The following IGF2BP3 variants were observed in gnomAD, a reference collection of about 807,000 sequenced individuals.
IGF2BP3 encodes insulin-like growth factor 2 mRNA-binding protein 3.
A neutral mutation model predicts 73.8 loss-of-function variants in IGF2BP3; 9 were observed. The observed-to-expected ratio is 0.12, with a 90% CI of 0.07 to 0.21. The LOEUF (loss-of-function observed/expected upper bound fraction) is 0.21, where lower values mean the gene tolerates loss of function less well. Ranked by LOEUF, IGF2BP3 falls within the 10% of genes least tolerant of loss-of-function variation. The pLI is 1.00. For synonymous variants in IGF2BP3, 258 were observed against 256.7 expected (o/e 1.01, Z -0.05); for missense variants, 542 against 714.0 (o/e 0.76, Z 2.75).
intron 12 of IGF2BP3, among the ~76,000 whole-genome samples, chr7:23,314,648 T>C (rs1783927826): frequency 6.6e-6 from 1 of 152,152 alleles, no homozygotes; most frequent in Non-Finnish European, 1.5e-5. Context: ...CAGAGTCAGC[T>C]ATGCCAAGCT....
At chr7:23,314,512 A>G (rs1203791651) in intron 12 of IGF2BP3, among the ~76,000 whole-genome samples, 2 of 151,092 alleles carry the variant, frequency 1.3e-5, no homozygotes, top group African/African-American at 2.4e-5. Flanking sequence ...GGGTCTTGCT[A>G]TGTTGCCACG....
intron 10 of IGF2BP3, among the ~76,000 whole-genome samples, chr7:23,339,205 G>C (rs900007248): frequency 6.6e-6 from 1 of 152,186 alleles, no homozygotes; most frequent in African/African-American, 2.4e-5. Context: ...ACCTATTCCA[G>C]TGACATCTTC....
intron 3 of IGF2BP3, among the ~76,000 whole-genome samples, chr7:23,395,031 G>C (rs917995569): frequency 6.6e-6 from 1 of 152,148 alleles, no homozygotes; most frequent in Non-Finnish European, 1.5e-5. Flanking sequence ...AAGCTCAGAG[G>C]AGCTTAGCAT....
At chr7:23,340,934 C>T (rs1037907338) in intron 10 of IGF2BP3, among the ~76,000 whole-genome samples, 4 of 151,170 alleles carry the variant, frequency 2.6e-5, no homozygotes, top group African/African-American at 9.7e-5. Context: ...ACTACCACCT[C>T]TGCCTCCTGG....
At chr7:23,338,225 T>C (rs1369356299) in intron 10 of IGF2BP3, among the ~76,000 whole-genome samples, 1 of 152,084 alleles carries the variant, frequency 6.6e-6, no homozygotes, top group African/African-American at 2.4e-5. Flanking sequence ...TAGAACAAGG[T>C]AGAAAAAGGG....
chr7:23,326,684 TA>T (rs1784305991), intron 10 of IGF2BP3, among the ~76,000 whole-genome samples: 1 of 143,980 alleles, frequency 6.9e-6, no homozygotes, highest in Non-Finnish European at 1.5e-5. Context: ...CCAACAATGA[TA>T]GACTGGATTA....
In IGF2BP3 at chr7:23,347,513, G is replaced by C. The variant is rs565883957; in HGVS notation, c.818+87C>G. On this transcript the variant is annotated intron_variant, in intron 7 of 14. Transcript: ENST00000258729. ...AGGATATCATTTCCCTCTGTTTGTT[G>C]GCAATTCCCAAGAATTGTGTCAGAG... 280 of 1,413,592 alleles carry C rather than the reference G, an allele frequency of 2.0e-4. No individual in the cohort carries two copies. The Admixed American group carries it at 5.2e-3, about 26-fold the overall frequency. 87.6% of individuals were successfully genotyped at this position (1,413,592 alleles called of 1,614,324 possible).
chr7:23,467,401 T>G (rs1332138213), intron 2 of IGF2BP3, among the ~76,000 whole-genome samples: 1 of 152,166 alleles, frequency 6.6e-6, no homozygotes, highest in African/African-American at 2.4e-5. Flanking sequence ...TGATTTAAAT[T>G]AACTTTCAGC....
At chr7:23,418,528 G>C (rs939593198) in intron 3 of IGF2BP3, among the ~76,000 whole-genome samples, 2 of 152,190 alleles carry the variant, frequency 1.3e-5, no homozygotes, top group Non-Finnish European at 2.9e-5. Context: ...GGAAGTGACT[G>C]AATGAGAAAG....
chr7:23,422,124 C>T (rs963967195), intron 2 of IGF2BP3, among the ~76,000 whole-genome samples: 4 of 152,024 alleles, frequency 2.6e-5, no homozygotes, highest in African/African-American at 9.7e-5. Flanking sequence ...GGATTAGCAG[C>T]AGAGTTAAGA....
rs1783805678 is a variant in IGF2BP3 at position 23,310,839 on chromosome 7, A to G, written c.*1523T>C. ...ATGTCCTTTAGATCAGTGTAACATG[A>G]CTGTGATCATCTTACAAACAAAACT... On this transcript the variant is annotated 3_prime_UTR_variant, in exon 15 of 15. Coordinates refer to ENST00000258729, the MANE Select transcript of IGF2BP3 (RefSeq NM_006547.3). The G allele has an allele frequency of 6.6e-6, 1 of 152,248 alleles. No homozygotes were observed. Among genetic ancestry groups the G allele is most frequent in the Non-Finnish European group, 1.5e-5 (1 of 68,014 alleles). 9.4% of individuals were successfully genotyped at this position (152,248 alleles called of 1,614,324 possible). A position where few individuals can be genotyped will look rare whatever the true frequency, so the allele number is the denominator to read the frequency against.
chr7:23,342,346 G>A (rs566494828), intron 9 of IGF2BP3, among the ~76,000 whole-genome samples, 157 bp from the exon 10 acceptor site: 2 of 152,208 alleles, frequency 1.3e-5, no homozygotes, highest in South Asian at 2.1e-4. Context: ...TGAGTACATC[G>A]TTTACATCTG....
intron 2 of IGF2BP3, among the ~76,000 whole-genome samples, chr7:23,459,419 A>C (rs1193512748): frequency 6.6e-6 from 1 of 152,240 alleles, no homozygotes; most frequent in Non-Finnish European, 1.5e-5. Context: ...AATTTATGCC[A>C]GTGCCCTAAA....
intron 12 of IGF2BP3, among the ~76,000 whole-genome samples, chr7:23,314,184 A>ATTTT (rs564895732): frequency 7.8e-6 from 1 of 127,852 alleles, no homozygotes; most frequent in African/African-American, 2.9e-5. Flanking sequence ...CACCTGACTT[A>ATTTT]TTTTTTTTTT....
At chr7:23,362,304 T>C (rs1785249676) in intron 3 of IGF2BP3, among the ~76,000 whole-genome samples, 1 of 152,114 alleles carries the variant, frequency 6.6e-6, no homozygotes, top group African/African-American at 2.4e-5. Context: ...ATCTATAAGA[T>C]GTTCTTTTCC....
intron 10 of IGF2BP3, among the ~76,000 whole-genome samples, chr7:23,334,290 T>C: frequency 6.6e-6 from 1 of 152,068 alleles, no homozygotes; most frequent in Non-Finnish European, 1.5e-5. Flanking sequence ...ATCATGACAC[T>C]GCACTCCAGA....
intron 2 of IGF2BP3, among the ~76,000 whole-genome samples, chr7:23,457,845 G>A (rs1788358048): frequency 6.6e-6 from 1 of 152,174 alleles, no homozygotes; most frequent in South Asian, 2.1e-4. Flanking sequence ...GTGCACATAT[G>A]TAAAAATTAT....
intron 10 of IGF2BP3, among the ~76,000 whole-genome samples, chr7:23,336,409 A>G (rs914858019): frequency 6.6e-6 from 1 of 152,190 alleles, no homozygotes; most frequent in Admixed American, 6.5e-5. Context: ...AAGTGCTGAG[A>G]GCAAAATGCC....
chr7:23,464,219 C>T (rs1015611187), intron 2 of IGF2BP3, among the ~76,000 whole-genome samples: 6 of 152,318 alleles, frequency 3.9e-5, no homozygotes, highest in Admixed American at 1.3e-4. Flanking sequence ...GCAACACTAG[C>T]TTTTAAATAG....
Sources: allele counts gnomAD v4.1 joint callset (sites outside exome capture counted in the v4.1 genomes callset), GRCh38; gene constraint gnomAD v4.1.1; transcripts MANE v1.5; gene names NCBI Gene and HGNC (gene_info 2026-07-23, HGNC 2026-07-21).